Variants in TMEM182 observed in about 807,000 individuals in gnomAD.
TMEM182 encodes transmembrane protein 182.
Under a neutral mutation model 26.8 loss-of-function variants are expected in TMEM182, and 20 were observed. The ratio of observed to expected loss-of-function variants is 0.75; its 90% CI spans 0.53 to 1.09. TMEM182 has a LOEUF of 1.09. Ranked by LOEUF, TMEM182 falls within the 50% of genes least tolerant of loss-of-function variation. The pLI is 0.00. For synonymous variants in TMEM182, 109 were observed against 102.2 expected (o/e 1.07, Z -0.40); for missense variants, 277 against 275.5 (o/e 1.01, Z -0.04).
At chr2:102,841,555 C>G (rs1341421415) in intron 3 of TMEM182, among the ~76,000 whole-genome samples, 1 of 152,232 alleles carries the variant, frequency 6.6e-6, no homozygotes, top group East Asian at 1.9e-4. Context: ...TGACACGCAG[C>G]AGCTTTAAAA....
chr2:102,819,613 T>G (rs896305089), downstream of TMEM182, among the ~76,000 whole-genome samples: 2 of 152,206 alleles, frequency 1.3e-5, no homozygotes, highest in African/African-American at 4.8e-5. Context: ...CACGCCTGCC[T>G]CTATATGTCT....
intron 4 of TMEM182, among the ~76,000 whole-genome samples, chr2:102,804,308 C>G (rs543575736): frequency 6.6e-6 from 1 of 151,956 alleles, no homozygotes; most frequent in Non-Finnish European, 1.5e-5. Flanking sequence ...ATCCCTTGCC[C>G]CCTTCTACCC....
At position 102,744,291 on chromosome 2, in the gene TMEM182, C is replaced by T. The variant is rs114422586; in HGVS notation, c.-83+7278C>T. ...TCAAATATCTGGATATTAAACAATA[C>T]GCTTATAAATCGCACCTAGCTTAAA... On this transcript the variant is annotated intron_variant, in intron 1 of 5. Transcript: ENST00000409173. Among the ~76,000 whole-genome samples, 1,196 of 152,166 alleles carry T rather than the reference C, an allele frequency of 7.9e-3. 19 individuals carry two copies. Among genetic ancestry groups the T allele is most frequent in the African/African-American group, 0.025 (1,051 of 41,528 alleles).
At chr2:102,785,075 T>C (rs762615196) in intron 3 of TMEM182, among the ~76,000 whole-genome samples, 1 of 152,186 alleles carries the variant, frequency 6.6e-6, no homozygotes, top group Non-Finnish European at 1.5e-5. Flanking sequence ...GAAAAGTTCA[T>C]GCAACTTGGG....
At chr2:102,832,658 A>C (rs931470685) in intron 3 of TMEM182, among the ~76,000 whole-genome samples, 2 of 152,218 alleles carry the variant, frequency 1.3e-5, no homozygotes, top group Admixed American at 1.3e-4. Flanking sequence ...CTTGCATAAC[A>C]ATAAGCGCAG....
intron 4 of TMEM182, among the ~76,000 whole-genome samples, chr2:102,813,408 G>T (rs975634834): frequency 2.0e-5 from 3 of 152,234 alleles, no homozygotes; most frequent in African/African-American, 4.8e-5. Context: ...TTAGCTTTCA[G>T]ACATTCTAGC....
chr2:102,818,745 C>CCTATCTATCTATCTAT (rs71378191), downstream of TMEM182, among the ~76,000 whole-genome samples: 2,819 of 136,494 alleles, frequency 0.021, 30 homozygotes, highest in Admixed American at 0.027. Flanking sequence ...TCTATTTAAT[C>CCTATCTATCTATCTAT]CTATCTATCT....
intron 3 of TMEM182, among the ~76,000 whole-genome samples, chr2:102,776,002 T>C (rs911865049): frequency 1.3e-5 from 2 of 152,182 alleles, no homozygotes; most frequent in Admixed American, 6.5e-5. Context: ...TGCTAGTATA[T>C]AGAAATGAAA....
chr2:102,767,689 T>C (rs1191455311), intron 3 of TMEM182, among the ~76,000 whole-genome samples: 3 of 152,214 alleles, frequency 2.0e-5, no homozygotes. Flanking sequence ...TGCTTAAAAA[T>C]ATGTCTAGAA....
chr2:102,786,152 T>C (rs1681379644), intron 3 of TMEM182, among the ~76,000 whole-genome samples: 1 of 151,626 alleles, frequency 6.6e-6, no homozygotes, highest in Middle Eastern at 3.2e-3. Context: ...TCTTGATTCA[T>C]TTGAAGCACT....
chr2:102,788,692 C>T (rs1681505807), intron 3 of TMEM182, among the ~76,000 whole-genome samples: 2 of 152,054 alleles, frequency 1.3e-5, no homozygotes, highest in Non-Finnish European at 1.5e-5. Context: ...ACTCATGCTT[C>T]TCCTGCTTCA....
chr2:102,745,878 T>C (rs1166187849), intron 1 of TMEM182, among the ~76,000 whole-genome samples: 5 of 152,202 alleles, frequency 3.3e-5, no homozygotes, highest in Non-Finnish European at 2.9e-5. Flanking sequence ...GGATTGGTTC[T>C]AATTTTGGGA....
chr2:102,843,653 A>G (rs758830228), exon 4 of TMEM182: 4 of 152,320 alleles, frequency 2.6e-5, no homozygotes, highest in South Asian at 2.1e-4. Context: ...CAAGGCTTAC[A>G]TTTGTGTTTT....
chr2:102,789,772 G>A (rs1334719698), intron 3 of TMEM182, among the ~76,000 whole-genome samples: 1 of 152,112 alleles, frequency 6.6e-6, no homozygotes, highest in Non-Finnish European at 1.5e-5. Flanking sequence ...ATGTGATAGA[G>A]GACCAGCTCC....
intron 1 of TMEM182, among the ~76,000 whole-genome samples, chr2:102,748,109 G>A (rs187638098): frequency 1.3e-4 from 20 of 152,336 alleles, no homozygotes; most frequent in South Asian, 1.0e-3. Flanking sequence ...GTGAGAGATG[G>A]ATAAGCCCCA....
chr2:102,814,786 T>C lies in TMEM182; in HGVS notation c.508T>C (p.Trp170Arg), dbSNP rs777234744. ...FSLVVMLYVI[W>R]VQAVADMESY... ...ATTGGTGGTGATGCTGTATGTCATC[T>C]GGGTCCAGGCAGTGGCTGACATGGA... The change falls in exon 5 of 5, where the codon TGG becomes CGG. Residue 170 changes from tryptophan (W) to arginine (R), a missense_variant. Transcript: ENST00000412401. 6.2e-7 allele frequency: 1 copy of C among 1,613,876 alleles called. No homozygotes were observed. The highest frequency in any genetic ancestry group is 1.1e-5 in the South Asian group (1 of 91,058).
intron 1 of TMEM182, among the ~76,000 whole-genome samples, chr2:102,744,464 TA>T (rs1385702634): frequency 6.6e-6 from 1 of 152,136 alleles, no homozygotes; most frequent in African/African-American, 2.4e-5. Context: ...TTAAAATCGG[TA>T]ATTTATGCTG....
At chr2:102,790,849 A>T (rs537535667) in intron 3 of TMEM182, among the ~76,000 whole-genome samples, 1 of 152,242 alleles carries the variant, frequency 6.6e-6, no homozygotes, top group Non-Finnish European at 1.5e-5. Context: ...CATCAGGAAC[A>T]TGGATTTACA....
At chr2:102,789,916 A>G (rs1681563054) in intron 3 of TMEM182, among the ~76,000 whole-genome samples, 1 of 152,108 alleles carries the variant, frequency 6.6e-6, no homozygotes, top group African/African-American at 2.4e-5. Context: ...TCTGATTGGC[A>G]TGGCCTTGCT....
Sources: gnomAD v4.1 joint callset for allele counts (sites outside exome capture counted in the v4.1 genomes callset) on GRCh38, gnomAD v4.1.1 for gene constraint, MANE v1.5 for transcripts, NCBI Gene and HGNC (gene_info 2026-07-23, HGNC 2026-07-21) for gene names.